The following NAALADL2 variants were observed in gnomAD, a reference collection of about 807,000 sequenced individuals.
The protein encoded by NAALADL2 is inactive N-acetylated-alpha-linked acidic dipeptidase-like protein 2.
A neutral mutation model predicts 87.2 loss-of-function variants in NAALADL2; 76 were observed. The observed-to-expected ratio is 0.87, with a 90% confidence interval of 0.72 to 1.05. The LOEUF is 1.05. NAALADL2 is among the 50% of genes least tolerant of loss of function. NAALADL2 has a pLI of 0.00. For synonymous variants in NAALADL2, 354 were observed against 331.0 expected (o/e 1.07, Z -0.75); for missense variants, 1,089 against 945.8 (o/e 1.15, Z -1.99).
chr3:175,545,327 TCTATAA>T (rs1437503117), intron 9 of NAALADL2, among the ~76,000 whole-genome samples: 2 of 152,146 alleles, frequency 1.3e-5, no homozygotes, highest in Non-Finnish European at 2.9e-5. Flanking sequence ...TAGTATGAAA[TCTATAA>T]CTATGTCTTT....
chr3:175,128,435 T>G (rs1295648412), intron 2 of NAALADL2, among the ~76,000 whole-genome samples: 1 of 149,134 alleles, frequency 6.7e-6, no homozygotes, highest in African/African-American at 2.5e-5. Context: ...ACCATTTGAT[T>G]AGTATCATTT....
intron 9 of NAALADL2, among the ~76,000 whole-genome samples, chr3:175,489,846 G>A (rs1727798391): frequency 6.6e-6 from 1 of 152,164 alleles, no homozygotes; most frequent in South Asian, 2.1e-4. Context: ...TATTCCTTAT[G>A]AAACTACTGT....
At chr3:175,084,155 T>C (rs1043494203) in intron 1 of NAALADL2, among the ~76,000 whole-genome samples, 1 of 152,134 alleles carries the variant, frequency 6.6e-6, no homozygotes, top group African/African-American at 2.4e-5. Flanking sequence ...TTGGAAAAAA[T>C]AGCTTGAGTG....
intron 2 of NAALADL2, among the ~76,000 whole-genome samples, chr3:174,608,047 A>C (rs1200358994): frequency 6.6e-6 from 1 of 152,230 alleles, no homozygotes; most frequent in Admixed American, 6.5e-5. Flanking sequence ...GAAACTGAAC[A>C]ACCTGCTTCT....
At chr3:174,843,394 C>T (rs1037288260) in intron 3 of NAALADL2, among the ~76,000 whole-genome samples, 1 of 151,920 alleles carries the variant, frequency 6.6e-6, no homozygotes, top group African/African-American at 2.4e-5. Flanking sequence ...GGTTGAATAG[C>T]ATTCCACTGA....
rs188832385 is a variant in NAALADL2, at chr3:175,810,385, A to G, written c.*7182A>G. ...CATTAAAAATATAAGTGAATATTTT[A>G]TATTTAAGTTGTTTAAATATTTGCA... is the stretch of plus-strand genomic sequence containing the variant. On this transcript the variant is annotated 3_prime_UTR_variant, in exon 14 of 14. Transcript: ENST00000454872. The G allele has an allele frequency of 3.0e-4, 45 of 152,212 alleles. 3 individuals are homozygous for G. The East Asian group carries it at 8.1e-3, about 27-fold the overall frequency. The allele number at this position is 152,212 out of a possible 1,614,324, so 9.4% of individuals were successfully genotyped here.
intron 1 of NAALADL2, among the ~76,000 whole-genome samples, chr3:174,993,333 C>G (rs891281147): frequency 2.6e-5 from 4 of 152,030 alleles, no homozygotes; most frequent in African/African-American, 9.7e-5. Context: ...ACCATGTTCC[C>G]CCTGGTTATG....
intron 1 of NAALADL2, among the ~76,000 whole-genome samples, chr3:174,910,974 A>G (rs1471932988): frequency 6.6e-6 from 1 of 152,104 alleles, no homozygotes; most frequent in African/African-American, 2.4e-5. Flanking sequence ...TCCAGGCTGC[A>G]CTTGCATCTT....
rs1015352119 is a variant in NAALADL2 at position 175,204,683 on chromosome 3, A to G, written c.546-29248A>G. On this transcript the variant is annotated intron_variant, in intron 2 of 13. Transcript: ENST00000454872. Reference sequence around the variant, plus strand: ...GTGTTTGCTGATGATGTGATTGTTTACCTTGAAAACCCCAAGAACTTCTCC... The same window carrying G: ...GTGTTTGCTGATGATGTGATTGTTTGCCTTGAAAACCCCAAGAACTTCTCC... Among the ~76,000 whole-genome samples the G allele has an allele frequency of 6.4e-4, 75 of 116,870 alleles. 1 individual carries two copies. Among genetic ancestry groups the G allele is most frequent in the African/African-American group, 1.9e-3 (72 of 38,796 alleles). 76.7% of individuals were successfully genotyped at this position (116,870 alleles called of 152,430 possible).
At chr3:175,450,172 T>C (rs1418707691) in intron 6 of NAALADL2, among the ~76,000 whole-genome samples, 2 of 152,102 alleles carry the variant, frequency 1.3e-5, no homozygotes, top group South Asian at 4.1e-4. Context: ...TCATAGTTTT[T>C]CTGAGATAAT....
intron 2 of NAALADL2, among the ~76,000 whole-genome samples, chr3:174,650,557 T>C (rs1000368246): frequency 6.6e-6 from 1 of 152,160 alleles, no homozygotes; most frequent in Non-Finnish European, 1.5e-5. Flanking sequence ...TTTAAAGATA[T>C]GGAATTCATC....
At chr3:175,343,325 T>A (rs1331228239) in intron 5 of NAALADL2, among the ~76,000 whole-genome samples, 7 of 151,996 alleles carry the variant, frequency 4.6e-5, no homozygotes, top group Non-Finnish European at 8.8e-5. Context: ...TGAAAAAAAA[T>A]GAAGTTGGAT....
At chr3:174,595,849 A>G (rs1437545591) in intron 2 of NAALADL2, among the ~76,000 whole-genome samples, 1 of 152,066 alleles carries the variant, frequency 6.6e-6, no homozygotes, top group Non-Finnish European at 1.5e-5. Context: ...CGTTTCTACT[A>G]AAAATACAAA....
chr3:174,620,126 G>A (rs509696), intron 2 of NAALADL2, among the ~76,000 whole-genome samples: 23,066 of 151,870 alleles, frequency 0.15, 1,968 homozygotes, highest in African/African-American at 0.21. Flanking sequence ...AATCTCCTTG[G>A]TCATTTATTC....
Position 175,339,713 on chromosome 3 carries a change from T to G in NAALADL2, c.1090+15388T>G, listed in dbSNP as rs143452823. Among the ~76,000 whole-genome samples the G allele has an allele frequency of 3.0e-3, 451 of 152,304 alleles. 1 individual carries two copies. The highest frequency in any genetic ancestry group is 5.1e-3 in the Non-Finnish European group (348 of 68,026). ...AACATACTTTTAAAATTGCCTATAA[T>G]TTCAGAGGACTCATGGATACCCTAG... On this transcript the variant is annotated intron_variant, in intron 5 of 13. Transcript: ENST00000454872.
chr3:175,665,100 C>G (rs1009554354), intron 11 of NAALADL2, among the ~76,000 whole-genome samples: 1 of 151,664 alleles, frequency 6.6e-6, no homozygotes, highest in Non-Finnish European at 1.5e-5. Flanking sequence ...TTATCTCACA[C>G]CTGCCCAGAC....
In NAALADL2 at chr3:175,803,223, A is replaced by T. The variant is rs1385391312; in HGVS notation, c.*20A>T. The T allele has an allele frequency of 6.4e-7, 1 of 1,559,934 alleles. No homozygotes were observed. The highest frequency in any genetic ancestry group is 8.7e-7 in the Non-Finnish European group (1 of 1,150,872). ...AATTGAGAAAACTCTGAGCATTTTT[A>T]AAAGTTTGTTTACAATTCCACAAGC... On this transcript the variant is annotated 3_prime_UTR_variant, in exon 14 of 14. Transcript: ENST00000454872.
At chr3:175,616,070 A>G (rs891134813) in intron 10 of NAALADL2, among the ~76,000 whole-genome samples, 1 of 147,212 alleles carries the variant, frequency 6.8e-6, no homozygotes, top group African/African-American at 2.5e-5. Flanking sequence ...ATATTTTAGT[A>G]TATGTTATTT....
intron 1 of NAALADL2, among the ~76,000 whole-genome samples, chr3:175,018,426 TATTA>T (rs1751134781): frequency 6.6e-6 from 1 of 152,022 alleles, no homozygotes; most frequent in African/African-American, 2.4e-5. Context: ...AAATCTGAGT[TATTA>T]ATTTTTTATT....
Sources: gnomAD v4.1 joint callset for allele counts (sites outside exome capture counted in the v4.1 genomes callset) on GRCh38, gnomAD v4.1.1 for gene constraint, MANE v1.5 for transcripts, NCBI Gene and HGNC (gene_info 2026-07-23, HGNC 2026-07-21) for gene names.